ZNF687: variants seen among roughly 807,000 people sequenced by gnomAD.
ZNF687 encodes zinc finger protein 687.
Under a neutral mutation model 71.8 loss-of-function variants are expected in ZNF687, and 13 were observed. The ratio of observed to expected loss-of-function variants is 0.18; its 90% CI spans 0.12 to 0.29. The LOEUF (loss-of-function observed/expected upper bound fraction) is 0.29, where lower values mean the gene tolerates loss of function less well. Ranked by LOEUF, ZNF687 falls within the 10% of genes least tolerant of loss-of-function variation. ZNF687 has a pLI of 1.00. For missense variants in ZNF687, 1,412 were observed against 1,625.6 expected (o/e 0.87, Z 2.26); for synonymous variants, 673 against 641.6 (o/e 1.05, Z -0.74).
Position 151,289,555 on chromosome 1 carries a change from G to T in ZNF687, c.2634+15G>T. ...AACATCTCAAGGTACAGGAGCAGAG[G>T]GATGGGGAATGGGTGCTTAGCTGTA... On this transcript the variant is annotated intron_variant, in intron 5 of 8. Transcript: ENST00000336715. 2 of 1,614,064 alleles carry T rather than the reference G, an allele frequency of 1.2e-6. No individual in the cohort carries two copies. Among genetic ancestry groups the T allele is most frequent in the Non-Finnish European group, 1.7e-6 (2 of 1,180,044 alleles).
At chr1:151,286,187 A>G in intron 1 of ZNF687, 88 bp from the exon 2 acceptor site, 1 of 1,135,564 alleles carries the variant, frequency 8.8e-7, no homozygotes, top group Non-Finnish European at 1.3e-6. Flanking sequence ...GTTCTGAGAG[A>G]GGATAAATAT....
At position 151,287,892 on chromosome 1, in the gene ZNF687, G is replaced by A. The variant is rs1168728655; in HGVS notation, c.1601G>A (p.Arg534His). The A allele has an allele frequency of 4.3e-6, 7 of 1,613,742 alleles. No individual in the cohort carries two copies. The highest frequency in any genetic ancestry group is 5.9e-6 in the Non-Finnish European group (7 of 1,180,054). The change falls in exon 2 of 9, where the codon CGC becomes CAC. Residue 534 changes from arginine (R) to histidine (H), a missense_variant. This residue lies in a region of ZNF687 where 50 missense variants were observed against 106.6 expected (regional missense o/e 0.47). Coordinates refer to ENST00000336715, the MANE Select transcript of ZNF687 (RefSeq NM_020832.3). The surrounding 1 kb of genome is among the most constrained non-coding windows in gnomAD (Gnocchi z 5.0). Reference protein sequence around the residue: ...AGLALPPTGYRCLECGDAFSL... With the variant: ...AGLALPPTGYHCLECGDAFSL... ...CTGGCCCTGCCTCCCACCGGCTACC[G>A]CTGCCTGGAGTGTGGGGATGCCTTC... is the stretch of plus-strand genomic sequence containing the variant.
intron 1 of ZNF687, chr1:151,283,301 C>T (rs1693804660): frequency 2.0e-6 from 2 of 985,372 alleles, no homozygotes; most frequent in South Asian, 4.7e-5. Context: ...GCGCTGCAGG[C>T]CTTGGGCCCG....
upstream of ZNF687, chr1:151,281,631 C>G (rs1358244033): frequency 2.3e-5 from 11 of 470,890 alleles, no homozygotes; most frequent in Non-Finnish European, 4.0e-5. Flanking sequence ...ACGCTGTCGC[C>G]CAGGAGCTGA....
At chr1:151,283,761 G>C in intron 1 of ZNF687, 1 of 917,372 alleles carries the variant, frequency 1.1e-6, no homozygotes, top group Non-Finnish European at 1.3e-6. Flanking sequence ...GAATTGAATA[G>C]GGTGGGGGTG....
chr1:151,289,195 A>T lies in ZNF687; in HGVS notation c.2395A>T (p.Met799Leu). 2 of 1,614,150 alleles carry T rather than the reference A, an allele frequency of 1.2e-6. No homozygotes were observed. Among genetic ancestry groups the T allele is most frequent in the Non-Finnish European group, 1.7e-6 (2 of 1,180,040 alleles). The change falls in exon 4 of 9, where the codon ATG (methionine) becomes TTG (leucine). Residue 799 changes from methionine to leucine, a missense_variant. Physicochemically the swap from Met to Leu is conservative, Grantham distance 15 (BLOSUM62 2). Coordinates refer to ENST00000336715, the MANE Select transcript of ZNF687 (RefSeq NM_020832.3). Reference sequence around the variant, plus strand: ...TTTCCACAAGTGCCCCATCTGCCCCATGGCCTTCAAGTCTGGGCCAAGTGC... The same window carrying T: ...TTTCCACAAGTGCCCCATCTGCCCCTTGGCCTTCAAGTCTGGGCCAAGTGC... ...EVFHKCPICP[M>L]AFKSGPSAHA...
In ZNF687 at chr1:151,291,220, C is replaced by A; in HGVS notation, c.*11C>A. The A allele has an allele frequency of 6.3e-7, 1 of 1,597,930 alleles. No homozygotes were observed. Among genetic ancestry groups the A allele is most frequent in the Non-Finnish European group, 8.5e-7 (1 of 1,170,082 alleles). ...GTTGGGGACAACTAGTCTCCAAGGC[C>A]TGGGACTGACCAGCCCCTTCCTCTT... On this transcript the variant is annotated 3_prime_UTR_variant, in exon 9 of 9. Transcript: ENST00000336715.
chr1:151,290,876 G>A lies in ZNF687; in HGVS notation c.3381G>A (p.Gly1127=). The part of the protein sequence containing the change: ...SSSTEQSLMM[G]LRVEDGAQQC... Reference sequence around the variant, plus strand: ...CCACAGAACAGAGCCTCATGATGGGGTTGAGGGTGGAGGATGGTGCCCAGC... The same window carrying A: ...CCACAGAACAGAGCCTCATGATGGGATTGAGGGTGGAGGATGGTGCCCAGC... The change falls in exon 9 of 9, where the codon GGG becomes GGA. Residue 1127 remains glycine (G), a synonymous_variant. Coordinates refer to ENST00000336715, the MANE Select transcript of ZNF687 (RefSeq NM_020832.3). The A allele has an allele frequency of 1.2e-6, 2 of 1,614,104 alleles. No homozygotes were observed. Among genetic ancestry groups the A allele is most frequent in the East Asian group, 2.2e-5 (1 of 44,876 alleles).
chr1:151,290,744 T>A lies in ZNF687; in HGVS notation c.3249T>A (p.Ser1083=), dbSNP rs369079073. ...QGPGRKRRQS[S]DSCSEEPDST... The stretch of plus-strand genomic sequence containing the variant: ...CAGGTCGGAAACGCCGCCAGTCTTC[T>A]GACTCTTGCAGTGAGGAGCCTGACA... Residue 1083 remains serine, a synonymous_variant, in exon 9 of 9, where the codon TCT becomes TCA. Transcript: ENST00000336715. 3 of 1,609,798 alleles carry A rather than the reference T, an allele frequency of 1.9e-6. No homozygotes were observed. In the African/African-American group the frequency reaches 4.0e-5, roughly 22 times the overall value.
At position 151,289,708 on chromosome 1, in the gene ZNF687, A is replaced by T. The variant is rs1694118050; in HGVS notation, c.2665A>T (p.Thr889Ser). 5.1e-6 allele frequency: 8 copies of T among 1,563,320 alleles called. No homozygotes were observed. The highest frequency in any genetic ancestry group is 6.9e-6 in the Non-Finnish European group (8 of 1,152,858). ...NTHQSGRLEE[T>S]AGKGAGGALL... ...CCATCAGTCTGGGCGCTTGGAGGAG[A>T]CTGCTGGGAAAGGGGCCGGGGGTGC... is the stretch of plus-strand genomic sequence containing the variant. Residue 889 changes from threonine to serine, a missense_variant, in exon 6 of 9, where the codon ACT (threonine) becomes TCT (serine). By Grantham distance (58) the Thr-to-Ser change is moderately conservative (BLOSUM62 1). Coordinates refer to ENST00000336715, the MANE Select transcript of ZNF687 (RefSeq NM_020832.3).
At position 151,287,444 on chromosome 1, in the gene ZNF687, G is replaced by A. The variant is rs1694001930; in HGVS notation, c.1153G>A (p.Val385Met). 1 of 1,614,060 alleles carries A rather than the reference G, an allele frequency of 6.2e-7. No homozygotes were observed. Among genetic ancestry groups the A allele is most frequent in the African/African-American group, 1.3e-5 (1 of 74,928 alleles). The change falls in exon 2 of 9, where the codon GTG becomes ATG. Residue 385 changes from valine (V) to methionine (M), a missense_variant. By Grantham distance (21) the Val-to-Met change is conservative. Transcript: ENST00000336715. This position sits in a 1 kb window ranked among gnomAD's most constrained non-coding sequence, Gnocchi z 5.0. Reference protein sequence around the residue: ...PATPTSEGPKVVSVQLGDGTR... With the variant: ...PATPTSEGPKMVSVQLGDGTR... ...AACACCTACTTCTGAGGGTCCAAAG[G>A]TGGTGAGCGTACAGTTGGGTGATGG...
At chr1:151,284,897 C>T (rs587712100) in intron 1 of ZNF687, among the ~76,000 whole-genome samples, 4 of 148,914 alleles carry the variant, frequency 2.7e-5, no homozygotes, top group East Asian at 4.0e-4. Flanking sequence ...ACAGCCTCGA[C>T]CTCCCGGGCT....
chr1:151,291,000 G>A lies in ZNF687; in HGVS notation c.3505G>A (p.Ala1169Thr), dbSNP rs1268087982. The change falls in exon 9 of 9, where the codon GCC becomes ACC. Residue 1169 changes from alanine (A) to threonine (T), a missense_variant. By Grantham distance (58) the Ala-to-Thr change is moderately conservative (BLOSUM62 0). Around this residue, in one of 8 missense-constraint regions of ZNF687, gnomAD observed 284 missense variants for 359.2 expected, o/e 0.79. Transcript: ENST00000336715. ...KKRRGVGKASALGLGDGEEEA... is the reference protein window; with the variant it reads ...KKRRGVGKASTLGLGDGEEEA... ...GAGACGGGGTGTGGGTAAAGCCAGTGCCCTGGGGCTGGGGGATGGGGAGGA... is the reference window on the plus strand; with the variant it reads ...GAGACGGGGTGTGGGTAAAGCCAGTACCCTGGGGCTGGGGGATGGGGAGGA... 1.9e-6 allele frequency: 3 copies of A among 1,613,992 alleles called. No homozygotes were observed. The highest frequency in any genetic ancestry group is 2.5e-6 in the Non-Finnish European group (3 of 1,180,022).
chr1:151,288,769 T>C (rs1483662626), intron 3 of ZNF687, 63 bp downstream of exon 3: 17 of 1,522,770 alleles, frequency 1.1e-5, no homozygotes, highest in Non-Finnish European at 2.7e-6. Context: ...CAGCCTCAGA[T>C]GGCCTTTCAA....
chr1:151,290,673 T>C (rs1417594479), intron 8 of ZNF687, 42 bp from the exon 9 acceptor site: 1 of 1,580,706 alleles, frequency 6.3e-7, no homozygotes, highest in African/African-American at 1.4e-5. Flanking sequence ...CCAGGGACAG[T>C]AGGGGTGGTG....
chr1:151,289,371 A>G lies in ZNF687; in HGVS notation c.2472-7A>G, dbSNP rs777051840. 3.7e-6 allele frequency: 6 copies of G among 1,613,998 alleles called. No individual in the cohort carries two copies. The highest frequency in any genetic ancestry group is 1.6e-4 in the Middle Eastern group (1 of 6,084). On this transcript the variant is annotated splice_region_variant and splice_polypyrimidine_tract_variant and intron_variant, in intron 4 of 8. Coordinates refer to ENST00000336715, the MANE Select transcript of ZNF687 (RefSeq NM_020832.3). ...CCTGCCTGATGTCTGCACTGTCCTC[A>G]CTTCAGGCTGATCTACAAGTGCGCC... is the stretch of plus-strand genomic sequence containing the variant.
Position 151,289,776 on chromosome 1 carries a change from T to C in ZNF687, c.2733T>C (p.Ser911=). Residue 911 remains serine, a synonymous_variant, in exon 6 of 9, where the codon TCT becomes TCC. Transcript: ENST00000336715. The part of the protein sequence containing the change: ...PKTEPEELAV[S]QGGAAPATEE... ...CTGAGCCTGAGGAGCTGGCTGTTTC[T>C]CAGGGAGGGGCAGCCCCTGCTACTG... The C allele has an allele frequency of 6.4e-7, 1 of 1,561,832 alleles. No individual in the cohort carries two copies. Among genetic ancestry groups the C allele is most frequent in the South Asian group, 1.2e-5 (1 of 85,310 alleles).
intron 3 of ZNF687, 46 bp downstream of exon 3, chr1:151,288,752 C>A: frequency 6.4e-7 from 1 of 1,554,752 alleles, no homozygotes; most frequent in Non-Finnish European, 8.7e-7. Context: ...TTCGTGTGTC[C>A]TAGCCTCAGC....
chr1:151,283,916 G>C (rs1054946254), intron 1 of ZNF687: 1 of 985,222 alleles, frequency 1.0e-6, no homozygotes, highest in Non-Finnish European at 1.2e-6. Flanking sequence ...CTGCAACCTG[G>C]GCAGGGAATG....
Sources: gnomAD v4.1 joint callset for allele counts (sites outside exome capture counted in the v4.1 genomes callset) on GRCh38, gnomAD v4.1.1 for gene constraint, gnomAD v4.1.1 regional missense constraint, Gnocchi (gnomAD v3.1) non-coding constraint, MANE v1.5 for transcripts, NCBI Gene and HGNC (gene_info 2026-07-23, HGNC 2026-07-21) for gene names.